The following GSE1 variants were observed in gnomAD, a reference collection of about 807,000 sequenced individuals.
The protein encoded by GSE1 is genetic suppressor element 1.
Under a neutral mutation model 112.6 loss-of-function variants are expected in GSE1, and 32 were observed. The observed-to-expected ratio is 0.28, with a 90% CI of 0.21 to 0.38. GSE1 has a LOEUF of 0.38. Among genes scored for constraint, GSE1 ranks in the 10% least tolerant of loss-of-function variants. The probability of loss-of-function intolerance (pLI) is 1.00; values close to 1 mark genes in which losing one functional copy is unlikely to be tolerated. For synonymous variants in GSE1, 1,115 were observed against 735.6 expected, an observed-to-expected ratio of 1.52 and a Z score of -8.35; for missense variants, 2,348 against 1,699.2, an observed-to-expected ratio of 1.38 and a Z score of -6.71.
At chr16:85,492,810 G>T (rs2051052479) in intron 2 of GSE1, among the ~76,000 whole-genome samples, 1 of 152,160 alleles carries the variant, frequency 6.6e-6, no homozygotes, top group African/African-American at 2.4e-5. Context: ...CTGGAGTGGT[G>T]CTGGGCTCAG....
intron 1 of GSE1, among the ~76,000 whole-genome samples, chr16:85,617,144 C>T (rs1414360263): frequency 6.6e-6 from 1 of 152,240 alleles, no homozygotes; most frequent in Non-Finnish European, 1.5e-5. Context: ...GCCCACCTGT[C>T]ACTGAGGCCA....
chr16:85,436,273 T>G (rs1050810429), intron 2 of GSE1, among the ~76,000 whole-genome samples: 13 of 152,222 alleles, frequency 8.5e-5, no homozygotes, highest in Non-Finnish European at 1.5e-5. Flanking sequence ...GCAGGAGTCC[T>G]GCAAGCCAGC....
At chr16:85,242,548 C>T (rs1000981673) in intron 1 of GSE1, among the ~76,000 whole-genome samples, 6 of 152,250 alleles carry the variant, frequency 3.9e-5, no homozygotes, top group African/African-American at 7.2e-5. Context: ...TTGTCACCAG[C>T]GCTTTACAGA....
At chr16:85,466,386 G>A (rs927876218) in intron 2 of GSE1, among the ~76,000 whole-genome samples, 3 of 152,210 alleles carry the variant, frequency 2.0e-5, no homozygotes, top group African/African-American at 4.8e-5. Flanking sequence ...TGAACCCTGC[G>A]GATCCCTGTC....
intron 1 of GSE1, among the ~76,000 whole-genome samples, chr16:85,628,255 A>G (rs1275746737): frequency 6.6e-6 from 1 of 152,234 alleles, no homozygotes; most frequent in Non-Finnish European, 1.5e-5. Context: ...TTGGAATTCT[A>G]TTTTAAGTGA....
At chr16:85,362,102 A>C (rs1229774906) in intron 2 of GSE1, among the ~76,000 whole-genome samples, 1 of 152,156 alleles carries the variant, frequency 6.6e-6, no homozygotes, top group Non-Finnish European at 1.5e-5. Flanking sequence ...TGTGAAGGCC[A>C]TGAGGAACCC....
At chr16:85,251,749 A>G (rs1356547743) in intron 1 of GSE1, among the ~76,000 whole-genome samples, 1 of 152,206 alleles carries the variant, frequency 6.6e-6, no homozygotes, top group Admixed American at 6.5e-5. Context: ...CCTCTTTCCC[A>G]GGTGATTCTG....
intron 9 of GSE1, 80 bp from the exon 10 acceptor site, chr16:85,662,901 C>G (rs1490041094): frequency 2.0e-6 from 2 of 1,000,478 alleles, no homozygotes; most frequent in African/African-American, 3.2e-5. Context: ...AGGTGCTCTG[C>G]ACACATGAGG....
intron 2 of GSE1, among the ~76,000 whole-genome samples, chr16:85,485,617 T>C (rs1486402259): frequency 2.0e-5 from 3 of 152,228 alleles, no homozygotes; most frequent in African/African-American, 7.2e-5. Flanking sequence ...CTCGCACCAT[T>C]AGCACTCGAG....
chr16:85,337,540 C>T (rs2046525412), intron 1 of GSE1, among the ~76,000 whole-genome samples: 2 of 151,954 alleles, frequency 1.3e-5, no homozygotes, highest in Admixed American at 6.6e-5. Flanking sequence ...CTCCTGACCT[C>T]GTGATCCGCC....
intron 1 of GSE1, among the ~76,000 whole-genome samples, chr16:85,334,962 G>A (rs2151526576): frequency 1.3e-5 from 2 of 152,304 alleles, no homozygotes; most frequent in South Asian, 4.1e-4. Context: ...TGATTCACCA[G>A]GCACTTCCTC....
chr16:85,358,615 G>A (rs1489151339), intron 2 of GSE1, among the ~76,000 whole-genome samples: 2 of 152,208 alleles, frequency 1.3e-5, no homozygotes, highest in Non-Finnish European at 1.5e-5. Context: ...CCAAGCCCTG[G>A]ACTTTGATCT....
At chr16:85,201,562 G>T (rs1397911126) in intron 1 of GSE1, among the ~76,000 whole-genome samples, 2 of 151,738 alleles carry the variant, frequency 1.3e-5, no homozygotes, top group Non-Finnish European at 2.9e-5. Flanking sequence ...TAAGGCAGGA[G>T]AATTGCTTGA....
chr16:85,578,464 C>A (rs2046321700), intron 1 of GSE1, among the ~76,000 whole-genome samples: 1 of 152,182 alleles, frequency 6.6e-6, no homozygotes, highest in Non-Finnish European at 1.5e-5. Flanking sequence ...TTCTCCCCCG[C>A]CCCTCACATG....
Position 85,649,952 on chromosome 16 carries a change from G to C in GSE1, c.426+1201G>C, listed in dbSNP as rs571259065. ...GCCCCCGGGCAGGCCCTGATCCAGGGTCCCAGTGGGAATCCCTGGGAGCTC... is the reference window on the plus strand; with the variant it reads ...GCCCCCGGGCAGGCCCTGATCCAGGCTCCCAGTGGGAATCCCTGGGAGCTC... On this transcript the variant is annotated intron_variant, in intron 3 of 15. Transcript: ENST00000253458. 2.6e-5 allele frequency among the ~76,000 whole-genome samples: 4 copies of C among 152,278 alleles called. No individual in the cohort carries two copies. In the East Asian group the frequency reaches 7.8e-4, roughly 30 times the overall value.
chr16:85,396,980 G>C (rs2047980902), intron 2 of GSE1, among the ~76,000 whole-genome samples: 2 of 152,230 alleles, frequency 1.3e-5, no homozygotes, highest in Non-Finnish European at 2.9e-5. Context: ...TCCAGAGAGA[G>C]AGAGCAAACG....
At chr16:85,172,209 C>A (rs1022895055) in intron 1 of GSE1, among the ~76,000 whole-genome samples, 1 of 152,188 alleles carries the variant, frequency 6.6e-6, no homozygotes, top group Non-Finnish European at 1.5e-5. Flanking sequence ...GGTCTCCGTG[C>A]TCACCCGGTT....
intron 2 of GSE1, among the ~76,000 whole-genome samples, chr16:85,440,683 T>C (rs537722530): frequency 3.3e-5 from 5 of 152,212 alleles, no homozygotes; most frequent in Non-Finnish European, 5.9e-5. Flanking sequence ...TTTTACTTTT[T>C]TCAGGTTGGG....
intron 1 of GSE1, among the ~76,000 whole-genome samples, chr16:85,308,359 G>A (rs928232354): frequency 6.6e-6 from 1 of 152,124 alleles, no homozygotes; most frequent in African/African-American, 2.4e-5. Flanking sequence ...GGCAGAGAAC[G>A]CCTTTTACTT....
Sources: allele counts gnomAD v4.1 joint callset (sites outside exome capture counted in the v4.1 genomes callset), GRCh38; gene constraint gnomAD v4.1.1; transcripts MANE v1.5; gene names NCBI Gene and HGNC (gene_info 2026-07-23, HGNC 2026-07-21).